The following MARVELD2 variants were observed in gnomAD, a reference collection of about 807,000 sequenced individuals.
MARVELD2 encodes the protein MARVEL domain-containing protein 2.
A neutral mutation model predicts 57.6 loss-of-function variants in MARVELD2; 49 were observed. The ratio of observed to expected loss-of-function variants is 0.85; its 90% CI spans 0.68 to 1.08. The LOEUF is 1.08. Ranked by LOEUF, MARVELD2 falls within the 50% of genes least tolerant of loss-of-function variation. The pLI is 0.00. For missense variants in MARVELD2, 606 were observed against 701.1 expected, an observed-to-expected ratio of 0.86 and a Z score of 1.53; for synonymous variants, 238 against 258.8, an observed-to-expected ratio of 0.92 and a Z score of 0.77.
At chr5:69,430,556 C>T (rs766646232) in intron 3 of MARVELD2, among the ~76,000 whole-genome samples, 13 of 151,418 alleles carry the variant, frequency 8.6e-5, no homozygotes, top group East Asian at 2.0e-4. Context: ...ATTTTTGAGA[C>T]GGCGTCTCGC....
At position 69,422,248 on chromosome 5, in the gene MARVELD2, A is replaced by G. The variant is rs548283992; in HGVS notation, c.1146+1717A>G. ...AACAGCAATGTTCAGGGAACAAGGG[A>G]GATAACCTTAAACTCTGGCTGCCTG... On this transcript the variant is annotated intron_variant, in intron 2 of 6. Transcript: ENST00000325631. 5.9e-5 allele frequency among the ~76,000 whole-genome samples: 9 copies of G among 152,320 alleles called. No homozygotes were observed. In the South Asian group the frequency reaches 1.9e-3, roughly 32 times the overall value.
In MARVELD2 at chr5:69,442,356, T is replaced by C. The variant is rs1767352860; in HGVS notation, c.*702T>C. On this transcript the variant is annotated 3_prime_UTR_variant, in exon 7 of 7. Transcript: ENST00000325631. ...AGGGTGACATCTTTCAAAGGTGTCA[T>C]TTATTCCCTTGAAAGGTGTTTGAAT... The C allele has an allele frequency of 6.6e-6, 1 of 152,216 alleles. No homozygotes were observed. The highest frequency in any genetic ancestry group is 2.4e-5 in the African/African-American group (1 of 41,466). 9.4% of individuals were successfully genotyped at this position (152,216 alleles called of 1,614,324 possible).
At chr5:69,440,362 T>G (rs1279738737) in intron 5 of MARVELD2, 88 bp from the exon 6 acceptor site, 1 of 689,658 alleles carries the variant, frequency 1.4e-6, no homozygotes, top group Non-Finnish European at 2.6e-6. Context: ...GTAAAAATTA[T>G]TTTTTGTTCT....
intron 2 of MARVELD2, 123 bp downstream of exon 2, chr5:69,420,654 CTT>C (rs552654549): frequency 1.8e-3 from 1,336 of 756,736 alleles, no homozygotes; most frequent in South Asian, 2.0e-3. Context: ...TTCTTTCTTC[CTT>C]TTTTTTTTTT....
Position 69,440,479 on chromosome 5 carries a change from A to G in MARVELD2, c.1533A>G (p.Glu511=). 7.0e-7 allele frequency: 1 copy of G among 1,438,170 alleles called. No individual in the cohort carries two copies. Among genetic ancestry groups the G allele is most frequent in the Non-Finnish European group, 9.8e-7 (1 of 1,023,928 alleles). 89.1% of individuals were successfully genotyped at this position (1,438,170 alleles called of 1,614,324 possible). ...QEHERISRIH[E]EFKKKKNDPT... ...ATGAGAGAATTTCAAGAATCCATGA[A>G]GAGTTTAAGAAAAAAAAGAATGTGA... Residue 511 remains glutamate, a synonymous_variant, in exon 6 of 7, where the codon GAA becomes GAG. Transcript: ENST00000325631.
At chr5:69,421,621 A>T (rs1420397189) in intron 2 of MARVELD2, among the ~76,000 whole-genome samples, 3 of 151,812 alleles carry the variant, frequency 2.0e-5, no homozygotes, top group Admixed American at 6.6e-5. Context: ...TGGTTTTAAA[A>T]TTTTTTTAAT....
chr5:69,425,859 G>T (rs1371493763), intron 3 of MARVELD2, among the ~76,000 whole-genome samples: 1 of 151,566 alleles, frequency 6.6e-6, no homozygotes, highest in African/African-American at 2.4e-5. Flanking sequence ...CTCCCGAGTA[G>T]CTGGGACTAC....
At chr5:69,431,365 G>A (rs1358930793) in intron 3 of MARVELD2, among the ~76,000 whole-genome samples, 3 of 151,872 alleles carry the variant, frequency 2.0e-5, no homozygotes, top group Admixed American at 1.3e-4. Context: ...CACCGACCTC[G>A]GCCTCCCAAG....
chr5:69,434,584 A>AG (rs1767074654), intron 5 of MARVELD2, among the ~76,000 whole-genome samples: 1 of 152,186 alleles, frequency 6.6e-6, no homozygotes, highest in Non-Finnish European at 1.5e-5. Context: ...TGGTAGTTAC[A>AG]GAGGCTTAAG....
At chr5:69,436,124 T>C (rs929779032) in intron 5 of MARVELD2, among the ~76,000 whole-genome samples, 2 of 152,180 alleles carry the variant, frequency 1.3e-5, no homozygotes, top group African/African-American at 4.8e-5. Flanking sequence ...AATATTTGTG[T>C]AATATTCTGT....
At chr5:69,419,287 C>G in intron 1 of MARVELD2, 84 bp from the exon 2 acceptor site, 1 of 1,357,268 alleles carries the variant, frequency 7.4e-7, no homozygotes, top group Non-Finnish European at 1.0e-6. Context: ...CTCCTAAATA[C>G]TTTTTGCTAC....
At position 69,419,849 on chromosome 5, in the gene MARVELD2, C is replaced by G. The variant is rs751452966; in HGVS notation, c.464C>G (p.Pro155Arg). Residue 155 changes from proline (P) to arginine (R), a missense_variant, in exon 2 of 7, where the codon CCC (proline) becomes CGC (arginine). Physicochemically the swap from Pro to Arg is moderately radical, Grantham distance 103. Coordinates refer to ENST00000325631, the MANE Select transcript of MARVELD2 (RefSeq NM_001038603.3). ...CGGAAAGAGGCTGACGCAGTGTTTC[C>G]CCGGGATCCCTATGGATCTCTAGAC... ...SSRKEADAVF[P>R]RDPYGSLDRH... 29 of 1,614,030 alleles carry G rather than the reference C, an allele frequency of 1.8e-5. No homozygotes were observed. The highest frequency in any genetic ancestry group is 2.4e-5 in the Non-Finnish European group (28 of 1,180,044).
rs979784709 is a variant in MARVELD2, at chr5:69,425,985, G to A, written c.1182+1349G>A. ...TCTCGATCTCCTGACCTCGTGATCC[G>A]CCCGCCTCGGCCTCCCAAAGTGCTG... On this transcript the variant is annotated intron_variant, in intron 3 of 6. Coordinates refer to ENST00000325631, the MANE Select transcript of MARVELD2 (RefSeq NM_001038603.3). Among the ~76,000 whole-genome samples, 5 of 151,370 alleles carry A rather than the reference G, an allele frequency of 3.3e-5. No individual in the cohort carries two copies. The East Asian group carries it at 5.8e-4, about 18-fold the overall frequency.
chr5:69,423,800 T>C (rs1172443201), intron 2 of MARVELD2, among the ~76,000 whole-genome samples: 2 of 152,218 alleles, frequency 1.3e-5, no homozygotes, highest in East Asian at 3.8e-4. Context: ...TTTATCTTGC[T>C]AGAACTCTAC....
rs111800571 is a variant in MARVELD2 at position 69,421,857 on chromosome 5, G to A, written c.1146+1326G>A. 1.8e-3 allele frequency among the ~76,000 whole-genome samples: 272 copies of A among 150,388 alleles called. 4 individuals carry two copies. Among genetic ancestry groups the A allele is most frequent in the African/African-American group, 6.3e-3 (256 of 40,868 alleles). On this transcript the variant is annotated intron_variant, in intron 2 of 6. Transcript: ENST00000325631. The stretch of plus-strand genomic sequence containing the variant: ...TGCCAGAGTGCAGTGGCACTGTTGC[G>A]GGAAGTCAGGGACCCCAAACAGAGG...
At chr5:69,437,696 CAAAG>C (rs147880193) in intron 5 of MARVELD2, among the ~76,000 whole-genome samples, 2,101 of 150,170 alleles carry the variant, frequency 0.014, 45 homozygotes, top group African/African-American at 0.049. Flanking sequence ...AAAAAAAAAA[CAAAG>C]AAAATCTTGA....
chr5:69,441,832 G>A lies in MARVELD2; in HGVS notation c.*178G>A, dbSNP rs1202635798. 4 of 462,494 alleles carry A rather than the reference G, an allele frequency of 8.6e-6. No homozygotes were observed. The East Asian group carries it at 1.7e-4, about 19-fold the overall frequency. The allele number at this position is 462,494 out of a possible 1,614,324, so 28.6% of individuals were successfully genotyped here. A position where few individuals can be genotyped will look rare whatever the true frequency, so the allele number is the denominator to read the frequency against. ...AGCCTCCCCAGTAGCTGGGATTACAGGCGTGCGCTGCCACACCCCGCTAAT... is the reference window on the plus strand; with the variant it reads ...AGCCTCCCCAGTAGCTGGGATTACAAGCGTGCGCTGCCACACCCCGCTAAT... On this transcript the variant is annotated 3_prime_UTR_variant, in exon 7 of 7. Coordinates refer to ENST00000325631, the MANE Select transcript of MARVELD2 (RefSeq NM_001038603.3).
intron 5 of MARVELD2, among the ~76,000 whole-genome samples, chr5:69,438,516 G>A (rs565054228): frequency 3.3e-4 from 51 of 152,248 alleles, no homozygotes; most frequent in African/African-American, 1.2e-3. Context: ...TGAGAGACAA[G>A]GCAGGAAGAG....
chr5:69,439,732 C>T (rs1036404986), intron 5 of MARVELD2, among the ~76,000 whole-genome samples: 1 of 150,374 alleles, frequency 6.7e-6, no homozygotes, highest in East Asian at 2.0e-4. Context: ...CCAGCCTGGG[C>T]GACAGAGGGA....
Sources: gnomAD v4.1 joint callset for allele counts (sites outside exome capture counted in the v4.1 genomes callset) on GRCh38, gnomAD v4.1.1 for gene constraint, MANE v1.5 for transcripts, NCBI Gene and HGNC (gene_info 2026-07-23, HGNC 2026-07-21) for gene names.